Variants in NOTCH3 observed in about 807,000 individuals in gnomAD.
NOTCH3 encodes notch receptor 3.
Under a neutral mutation model 213.3 loss-of-function variants are expected in NOTCH3, and 86 were observed. The observed-to-expected ratio is 0.40, with a 90% CI of 0.34 to 0.48. The LOEUF (loss-of-function observed/expected upper bound fraction) is 0.48, where lower values mean the gene tolerates loss of function less well. Ranked by LOEUF, NOTCH3 falls within the 20% of genes least tolerant of loss-of-function variation. The pLI is 0.57. For missense variants in NOTCH3, 2,783 were observed against 3,272.6 expected (o/e 0.85, Z 3.65); for synonymous variants, 1,354 against 1,355.9 (o/e 1.00, Z 0.03).
chr19:15,197,465 CAGG>C, intron 2 of NOTCH3, 32 bp downstream of exon 2: 2 of 1,425,918 alleles, frequency 1.4e-6, no homozygotes, highest in Non-Finnish European at 2.0e-6. Flanking sequence ...CCCCCACACA[CAGG>C]GCCCACTGGT....
intron 31 of NOTCH3, among the ~76,000 whole-genome samples, chr19:15,164,797 T>A (rs1599363762): frequency 4.1e-4 from 1 of 2,422 alleles, no homozygotes. Flanking sequence ...TGGAGACTGT[T>A]TTTTTTTTTT....
At chr19:15,183,282 A>G (rs2046854570) in intron 16 of NOTCH3, among the ~76,000 whole-genome samples, 1 of 152,216 alleles carries the variant, frequency 6.6e-6, no homozygotes, top group Non-Finnish European at 1.5e-5. Context: ...ATAAAATATT[A>G]AATTTAATAT....
At chr19:15,193,112 C>T (rs764415351) in intron 2 of NOTCH3, among the ~76,000 whole-genome samples, 36 of 152,110 alleles carry the variant, frequency 2.4e-4, no homozygotes, top group Admixed American at 1.5e-3. Context: ...TGGCAGGGGG[C>T]GGTGAAAGCC....
In NOTCH3 at chr19:15,167,427, C is replaced by T. The variant is rs1323921749; in HGVS notation, c.5200-16G>A. 1 of 1,600,868 alleles carries T rather than the reference C, an allele frequency of 6.2e-7. No individual in the cohort carries two copies. ...GCTCCTCTACCTGGAGGGGCAGGCA[C>T]CCTGGATCTCAGATCTCACCCTTTG... On this transcript the variant is annotated splice_polypyrimidine_tract_variant and intron_variant, in intron 28 of 32. Coordinates refer to ENST00000263388, the MANE Select transcript of NOTCH3 (RefSeq NM_000435.3).
At chr19:15,186,459 C>A (rs867748340) in intron 12 of NOTCH3, among the ~76,000 whole-genome samples, 1 of 151,286 alleles carries the variant, frequency 6.6e-6, no homozygotes, top group African/African-American at 2.4e-5. Flanking sequence ...GACTGGAGTA[C>A]AGTGGCACAA....
At chr19:15,197,626 C>T (rs781713013) in intron 1 of NOTCH3, 48 bp from the exon 2 acceptor site, 38 of 1,568,048 alleles carry the variant, frequency 2.4e-5, no homozygotes, top group Admixed American at 1.0e-4. Flanking sequence ...TGCCCAGGAA[C>T]CCCAGGCCCA....
chr19:15,168,614 A>G (rs2046704845), intron 28 of NOTCH3, among the ~76,000 whole-genome samples: 1 of 152,098 alleles, frequency 6.6e-6, no homozygotes, highest in African/African-American at 2.4e-5. Flanking sequence ...CGGGTGGATC[A>G]CTTGAGGTCT....
At chr19:15,184,530 C>A in intron 15 of NOTCH3, 80 bp from the exon 16 acceptor site, 2 of 1,441,302 alleles carry the variant, frequency 1.4e-6, no homozygotes, top group Non-Finnish European at 1.9e-6. Context: ...CAGGAAGAAC[C>A]TGCAGGCCGA....
In NOTCH3 at chr19:15,180,970, C is replaced by CACCCGGCCCGTGAA; in HGVS notation, c.2984_2985insTTCACGGGCCGGGT (p.Gln996SerfsTer281). ...CAGTAACTCCACCCACCTGGCACTG[C>CACCCGGCCCGTGAA]GGGCCCGTGAAGCTCTCGAGGCAGG... On this transcript the variant is annotated frameshift_variant, in exon 18 of 33. Transcript: ENST00000263388. LOFTEE classifies it high-confidence loss of function. 6.3e-7 allele frequency: 1 copy of CACCCGGCCCGTGAA among 1,591,306 alleles called. No homozygotes were observed. The highest frequency in any genetic ancestry group is 8.5e-7 in the Non-Finnish European group (1 of 1,169,854).
At chr19:15,197,441 G>GGGGCCC in intron 2 of NOTCH3, 59 bp downstream of exon 2, 31 of 768,322 alleles carry the variant, frequency 4.0e-5, no homozygotes, top group East Asian at 8.2e-5. Context: ...AAGACAAATC[G>GGGGCCC]CCCCTCCCCC....
At position 15,174,410 on chromosome 19, in the gene NOTCH3, A is replaced by G; in HGVS notation, c.4404-10T>C. Reference sequence around the variant, plus strand: ...CTTCTCGTACACCGGGCTGGTGGGGAAGGGTGAGGCAGAGAGGGGCGGAGT... The same window carrying G: ...CTTCTCGTACACCGGGCTGGTGGGGGAGGGTGAGGCAGAGAGGGGCGGAGT... On this transcript the variant is annotated splice_polypyrimidine_tract_variant and intron_variant, in intron 24 of 32. Coordinates refer to ENST00000263388, the MANE Select transcript of NOTCH3 (RefSeq NM_000435.3). 6.6e-7 allele frequency: 1 copy of G among 1,512,378 alleles called. No individual in the cohort carries two copies. Among genetic ancestry groups the G allele is most frequent in the Non-Finnish European group, 8.9e-7 (1 of 1,123,946 alleles). 93.7% of individuals were successfully genotyped at this position (1,512,378 alleles called of 1,614,324 possible).
At chr19:15,177,261 A>AT (rs57607313) in intron 24 of NOTCH3, among the ~76,000 whole-genome samples, 13,059 of 151,844 alleles carry the variant, frequency 0.086, 1,477 homozygotes, top group African/African-American at 0.27. Flanking sequence ...GAAAAAAAAA[A>AT]AAAAGTAATT....
rs764352557 is a variant in NOTCH3, at chr19:15,180,681, C to T, written c.3142G>A (p.Gly1048Arg). 7.1e-6 allele frequency: 11 copies of T among 1,551,794 alleles called. 1 individual carries two copies. Among genetic ancestry groups the T allele is most frequent in the Middle Eastern group, 1.7e-4 (1 of 5,998 alleles). ...LPCREAAAQI[G>R]VRLEQLCQAG... ...CGCCCGCCCACATGCTCCCACTCAC[C>T]GATCTGGGCTGCGGCCTCCCTGCAG... The change falls in exon 19 of 33, where the codon GGG (glycine) becomes AGG (arginine). Residue 1048 changes from glycine to arginine, a missense_variant and splice_region_variant. Coordinates refer to ENST00000263388, the MANE Select transcript of NOTCH3 (RefSeq NM_000435.3).
chr19:15,186,823 C>T (rs1938027021), intron 12 of NOTCH3, 55 bp downstream of exon 12: 5 of 1,407,914 alleles, frequency 3.6e-6, no homozygotes, highest in South Asian at 1.2e-5. Context: ...CCCACAGAGA[C>T]GAGTGACTTC....
At chr19:15,199,943 G>T (rs1260327126) in intron 1 of NOTCH3, among the ~76,000 whole-genome samples, 7 of 151,928 alleles carry the variant, frequency 4.6e-5, no homozygotes, top group Non-Finnish European at 1.0e-4. Flanking sequence ...GCCCAGCCGC[G>T]GGTCCCGCTT....
At chr19:15,199,552 G>C (rs2046994864) in intron 1 of NOTCH3, among the ~76,000 whole-genome samples, 1 of 152,184 alleles carries the variant, frequency 6.6e-6, no homozygotes, top group African/African-American at 2.4e-5. Context: ...GTGTGTGTAT[G>C]TATGTCAATG....
chr19:15,169,940 G>A (rs958844776), intron 28 of NOTCH3, 146 bp downstream of exon 28: 7 of 621,062 alleles, frequency 1.1e-5, no homozygotes, highest in African/African-American at 1.1e-4. Flanking sequence ...AGAAAGGGTT[G>A]CAAAGCTGGG....
Position 15,170,374 on chromosome 19 carries a change from T to C in NOTCH3, c.5071A>G (p.Lys1691Glu). ...SLHKDVASGHKGRREPVGQDA... is the reference protein window; with the variant it reads ...SLHKDVASGHEGRREPVGQDA... ...TGGCCCACGGGTTCCCGCCGGCCCT[T>C]GTGACCAGAGGCCACGTCCTTGTGC... Residue 1691 changes from lysine (K) to glutamate (E), a missense_variant, in exon 27 of 33, where the codon AAG (lysine) becomes GAG (glutamate). Physicochemically the swap from Lys to Glu is moderately conservative, Grantham distance 56 (BLOSUM62 1). Transcript: ENST00000263388. 6.2e-7 allele frequency: 1 copy of C among 1,613,820 alleles called. No individual in the cohort carries two copies. The highest frequency in any genetic ancestry group is 1.1e-5 in the South Asian group (1 of 91,090).
At chr19:15,164,795 G>GT (rs58826169) in intron 31 of NOTCH3, among the ~76,000 whole-genome samples, 44 of 146,302 alleles carry the variant, frequency 3.0e-4, no homozygotes, top group Admixed American at 2.0e-3. Context: ...TCTGGAGACT[G>GT]TTTTTTTTTT....
Sources: allele counts gnomAD v4.1 joint callset (sites outside exome capture counted in the v4.1 genomes callset), GRCh38; gene constraint gnomAD v4.1.1; transcripts MANE v1.5; gene names NCBI Gene and HGNC (gene_info 2026-07-23, HGNC 2026-07-21).